POMGNT1: variants seen among roughly 807,000 people sequenced by gnomAD.
POMGNT1 encodes the protein protein O-linked mannose N-acetylglucosaminyltransferase 1 (beta 1,2-).
In POMGNT1, 67 loss-of-function variants were observed where a neutral mutation model predicts 95.6. The ratio of observed to expected loss-of-function variants is 0.70; its 90% CI spans 0.58 to 0.86. POMGNT1 has a LOEUF of 0.86. Among genes scored for constraint, POMGNT1 ranks in the 40% least tolerant of loss-of-function variants. The probability of loss-of-function intolerance (pLI) is 0.00; values close to 1 mark genes in which losing one functional copy is unlikely to be tolerated. For missense variants in POMGNT1, 719 were observed against 855.2 expected, an observed-to-expected ratio of 0.84 and a Z score of 1.99; for synonymous variants, 298 against 317.9, an observed-to-expected ratio of 0.94 and a Z score of 0.66.
At chr1:46,195,954 G>A (rs760876365) in intron 5 of POMGNT1, 30 bp from the exon 6 acceptor site, 3 of 1,614,106 alleles carry the variant, frequency 1.9e-6, no homozygotes, top group South Asian at 1.1e-5. Context: ...TGGTGAGTTG[G>A]TGTCATCAGC....
chr1:46,196,966 C>A lies in POMGNT1; in HGVS notation c.235+4G>T. The A allele has an allele frequency of 6.2e-7, 1 of 1,614,226 alleles. No homozygotes were observed. The highest frequency in any genetic ancestry group is 8.5e-7 in the Non-Finnish European group (1 of 1,180,030). ...CCCCTACCCCATCCTTAGCCTAGCC[C>A]TACCATAGTCTTGCTCTGGCTCTGG... On this transcript the variant is annotated splice_donor_region_variant and intron_variant, in intron 3 of 21. Transcript: ENST00000371984. The surrounding 1 kb of genome is among the most constrained non-coding windows in gnomAD (Gnocchi z 4.4).
At position 46,189,134 on chromosome 1, in the gene POMGNT1, T is replaced by C; in HGVS notation, c.*136A>G. On this transcript the variant is annotated 3_prime_UTR_variant, in exon 22 of 22. Coordinates refer to ENST00000371984, the MANE Select transcript of POMGNT1 (RefSeq NM_017739.4). ...AGCAGGGGAACCCTCCCCTTGGAGT[T>C]AGTAATTAAGTCTCATGTTAAAAAC... 6.7e-7 allele frequency: 1 copy of C among 1,491,922 alleles called. No individual in the cohort carries two copies. Among genetic ancestry groups the C allele is most frequent in the Non-Finnish European group, 8.9e-7 (1 of 1,121,634 alleles). The allele number at this position is 1,491,922 out of a possible 1,614,324, so 92.4% of individuals were successfully genotyped here.
Position 46,189,935 on chromosome 1 carries a change from T to A in POMGNT1, c.1704A>T (p.Pro568=). 1.2e-6 allele frequency: 2 copies of A among 1,614,054 alleles called. No individual in the cohort carries two copies. Residue 568 remains proline, a synonymous_variant, in exon 20 of 22, where the codon CCA becomes CCT. Coordinates refer to ENST00000371984, the MANE Select transcript of POMGNT1 (RefSeq NM_017739.4). ...CCACGTAGGTGTGGCCCTCTGTGTC[T>A]GGCAGGAAAGAGTCTTCACAAGGGT... ...SKNPCEDSFL[P]DTEGHTYVAF...
chr1:46,196,923 A>T lies in POMGNT1; in HGVS notation c.235+47T>A. On this transcript the variant is annotated intron_variant, in intron 3 of 21. Coordinates refer to ENST00000371984, the MANE Select transcript of POMGNT1 (RefSeq NM_017739.4). The surrounding 1 kb of genome is among the most constrained non-coding windows in gnomAD (Gnocchi z 4.4). ...CCGCTTAGGGTCTGCCTGCCACTCC[A>T]GCTGTGAGATCCAAGGCCCCCTACC... The T allele has an allele frequency of 6.2e-7, 1 of 1,614,192 alleles. No individual in the cohort carries two copies. Among genetic ancestry groups the T allele is most frequent in the South Asian group, 1.1e-5 (1 of 91,086 alleles).
upstream of POMGNT1, among the ~76,000 whole-genome samples, chr1:46,201,148 G>C (rs1044100796): frequency 6.6e-6 from 1 of 151,622 alleles, no homozygotes; most frequent in East Asian, 1.9e-4. Context: ...AAAGACAAAT[G>C]TTTTGTCTAT....
Position 46,213,966 on chromosome 1 carries a change from T to A in POMGNT1, c.-51+5739A>T, listed in dbSNP as rs113630049. Among the ~76,000 whole-genome samples the A allele has an allele frequency of 6.2e-3, 946 of 152,090 alleles. 9 individuals are homozygous for A. Among genetic ancestry groups the A allele is most frequent in the African/African-American group, 0.021 (880 of 41,468 alleles). On this transcript the variant is annotated intron_variant, in intron 1 of 22. Coordinates refer to the POMGNT1 transcript ENST00000371992. ...AGCTTCATACATACACGGTTTCTAG[T>A]CATTGTAGAGATCCACTCTGAAGGG...
rs775039625 is a variant in POMGNT1, at chr1:46,196,885, C to T, written c.236-36G>A. 1.2e-6 allele frequency: 2 copies of T among 1,614,078 alleles called. No homozygotes were observed. Among genetic ancestry groups the T allele is most frequent in the South Asian group, 1.1e-5 (1 of 91,092 alleles). Reference sequence around the variant, plus strand: ...CAACAGGTCATGGAGATAGTCTCCTCAGCAGAGTCTCACCGCTTAGGGTCT... The same window carrying T: ...CAACAGGTCATGGAGATAGTCTCCTTAGCAGAGTCTCACCGCTTAGGGTCT... On this transcript the variant is annotated intron_variant, in intron 3 of 21. Transcript: ENST00000371984. The surrounding 1 kb of genome is among the most constrained non-coding windows in gnomAD (Gnocchi z 4.4).
At chr1:46,203,373 C>CG, upstream of POMGNT1, 1 of 1,425,022 alleles carries the variant, frequency 7.0e-7, no homozygotes, top group Middle Eastern at 2.6e-4. Context: ...GGAGGACCCC[C>CG]GGGAGCCGGT....
chr1:46,196,906 G>A lies in POMGNT1; in HGVS notation c.236-57C>T. 6.2e-7 allele frequency: 1 copy of A among 1,614,160 alleles called. No individual in the cohort carries two copies. Among genetic ancestry groups the A allele is most frequent in the South Asian group, 1.1e-5 (1 of 91,074 alleles). On this transcript the variant is annotated intron_variant, in intron 3 of 21. Coordinates refer to ENST00000371984, the MANE Select transcript of POMGNT1 (RefSeq NM_017739.4). The surrounding 1 kb of genome is among the most constrained non-coding windows in gnomAD (Gnocchi z 4.4). ...TCCTCAGCAGAGTCTCACCGCTTAG[G>A]GTCTGCCTGCCACTCCAGCTGTGAG...
intron 1 of POMGNT1, chr1:46,203,706 C>A (rs1252279217): frequency 2.2e-6 from 3 of 1,381,210 alleles, no homozygotes; most frequent in Non-Finnish European, 2.9e-6. Context: ...CAGAGTTAAG[C>A]TGGAGAGGAG....
chr1:46,191,189 G>C (rs906183440), intron 17 of POMGNT1: 9 of 311,144 alleles, frequency 2.9e-5, no homozygotes, highest in African/African-American at 1.7e-4. Flanking sequence ...AGAGTGACCT[G>C]AGGGAAGCGC....
rs1199789826 is a variant in POMGNT1 at position 46,188,870 on chromosome 1, C to T, written c.*400G>A. 6.2e-7 allele frequency: 1 copy of T among 1,612,862 alleles called. No homozygotes were observed. Among genetic ancestry groups the T allele is most frequent in the Non-Finnish European group, 8.5e-7 (1 of 1,179,880 alleles). On this transcript the variant is annotated 3_prime_UTR_variant, in exon 22 of 22. Transcript: ENST00000371984. ...AGCAGTTTCCTGAGTAAGAGCCAGC[C>T]CCACCCTCAGGGCAGCATTCCAGCC...
intron 10 of POMGNT1, 82 bp from the exon 11 acceptor site, chr1:46,193,721 C>A: frequency 6.2e-7 from 1 of 1,605,138 alleles, no homozygotes; most frequent in East Asian, 2.2e-5. Context: ...GGCCCAGAGT[C>A]CCTATGCTTA....
At chr1:46,197,211 T>A in intron 2 of POMGNT1, 127 bp from the exon 3 acceptor site, 1 of 1,587,272 alleles carries the variant, frequency 6.3e-7, no homozygotes, top group Non-Finnish European at 8.5e-7. Flanking sequence ...TTCCTCTGTC[T>A]GCCTAGCTCT....
At chr1:46,211,163 G>A (rs1379739097) in intron 1 of POMGNT1, among the ~76,000 whole-genome samples, 2 of 152,068 alleles carry the variant, frequency 1.3e-5, no homozygotes, top group Non-Finnish European at 2.9e-5. Context: ...GACAAAAAGG[G>A]TCTGATCAAA....
intron 20 of POMGNT1, 84 bp from the exon 21 acceptor site, chr1:46,189,651 C>T: frequency 6.4e-7 from 1 of 1,557,444 alleles, no homozygotes; most frequent in Non-Finnish European, 8.7e-7. Flanking sequence ...CCAGCCCCCA[C>T]CCCTCCTCAG....
At chr1:46,197,407 G>GA in intron 2 of POMGNT1, 3 of 1,490,118 alleles carry the variant, frequency 2.0e-6, no homozygotes, top group Non-Finnish European at 2.7e-6. Flanking sequence ...CCAAGCGGGG[G>GA]ATCAGACCTG....
chr1:46,219,630 T>C, intron 1 of POMGNT1: 1 of 1,479,010 alleles, frequency 6.8e-7, no homozygotes. Context: ...CACAAGGTAG[T>C]GGCCTGTGGA....
At chr1:46,190,043 G>A (rs1657634994) in intron 19 of POMGNT1, 54 bp from the exon 20 acceptor site, 3 of 1,602,502 alleles carry the variant, frequency 1.9e-6, no homozygotes, top group Non-Finnish European at 2.6e-6. Context: ...TCATGGGTGT[G>A]TCCCACAGGA....
Sources: allele counts gnomAD v4.1 joint callset (sites outside exome capture counted in the v4.1 genomes callset), GRCh38; gene constraint gnomAD v4.1.1; non-coding constraint Gnocchi (gnomAD v3.1); transcripts MANE v1.5; gene names NCBI Gene and HGNC (gene_info 2026-07-23, HGNC 2026-07-21).